Variants in GART observed in about 807,000 individuals in gnomAD.
GART encodes trifunctional purine biosynthetic protein adenosine-3.
GART carries 43 observed loss-of-function variants against 107.2 expected under a neutral mutation model. That is an observed-to-expected ratio of 0.40 (90% confidence interval 0.31 to 0.52). The LOEUF (loss-of-function observed/expected upper bound fraction) is 0.52. GART is among the 20% of genes least tolerant of loss of function. The probability of loss-of-function intolerance (pLI) is 0.52; values close to 1 mark genes in which losing one functional copy is unlikely to be tolerated. For synonymous variants in GART, 434 were observed against 427.0 expected (o/e 1.02, Z -0.20); for missense variants, 1,107 against 1,206.5 (o/e 0.92, Z 1.22).
chr21:33,530,181 A>G (rs556911182), intron 7 of GART, among the ~76,000 whole-genome samples: 1 of 152,154 alleles, frequency 6.6e-6, no homozygotes, highest in Non-Finnish European at 1.5e-5. Flanking sequence ...ACAGAGCGAG[A>G]CTCCGTCTCA....
At chr21:33,528,974 A>G (rs1333672481) in intron 7 of GART, 37 bp from the exon 8 acceptor site, 1 of 1,429,726 alleles carries the variant, frequency 7.0e-7, no homozygotes, top group Non-Finnish European at 9.9e-7. Context: ...TGTAACAGGT[A>G]ACTTAAAAAG....
At chr21:33,507,794 T>C (rs1401546437) in intron 18 of GART, among the ~76,000 whole-genome samples, 1 of 152,028 alleles carries the variant, frequency 6.6e-6, no homozygotes, top group African/African-American at 2.4e-5. Context: ...TCTGCGCCAC[T>C]GCACTCCAGC....
chr21:33,511,298 GTGC>G lies in GART; in HGVS notation c.2265_2267del (p.Gln755del). 6.2e-7 allele frequency: 1 copy of G among 1,614,142 alleles called. No individual in the cohort carries two copies. The highest frequency in any genetic ancestry group is 8.5e-7 in the Non-Finnish European group (1 of 1,180,034). ...TGCCAATCACCCAGGCTTCTTCCTT[GTGC>G]TGCTGGATATCCCTCAGAATCTGCT... On this transcript the variant is annotated inframe_deletion, in exon 17 of 22. Transcript: ENST00000381815.
At position 33,528,222 on chromosome 21, in the gene GART, A is replaced by G; in HGVS notation, c.1011T>C (p.Val337=). The G allele has an allele frequency of 6.2e-7, 1 of 1,614,054 alleles. No homozygotes were observed. Among genetic ancestry groups the G allele is most frequent in the Non-Finnish European group, 8.5e-7 (1 of 1,179,980 alleles). The change falls in exon 10 of 22, where the codon GTT becomes GTC. Residue 337 remains valine (V), a synonymous_variant. Coordinates refer to ENST00000381815, the MANE Select transcript of GART (RefSeq NM_000819.5). The part of the protein sequence containing the change: ...VWLENHTALT[V]VMASKGYPGD... ...CAGGATAACCTTTACTTGCCATGACAACAGTTAGGGCGGTGTGGTTTTCTA... is the reference window on the plus strand; with the variant it reads ...CAGGATAACCTTTACTTGCCATGACGACAGTTAGGGCGGTGTGGTTTTCTA...
intron 14 of GART, chr21:33,518,775 A>G: frequency 2.1e-6 from 1 of 479,346 alleles, no homozygotes. Flanking sequence ...CCATCCACAG[A>G]CTATTTGGGC....
At chr21:33,532,008 T>C (rs1290331418) in intron 5 of GART, 3 of 268,816 alleles carry the variant, frequency 1.1e-5, no homozygotes, top group Non-Finnish European at 2.1e-5. Flanking sequence ...ATTAATTTAC[T>C]TCTCTTAGAC....
intron 10 of GART, among the ~76,000 whole-genome samples, chr21:33,527,258 C>T (rs1303774067): frequency 6.6e-6 from 1 of 152,084 alleles, no homozygotes; most frequent in African/African-American, 2.4e-5. Flanking sequence ...GTGGCTCAGA[C>T]CTGTAATCCC....
At chr21:33,524,520 T>C in intron 11 of GART, 2 of 1,077,466 alleles carry the variant, frequency 1.9e-6, no homozygotes, top group Non-Finnish European at 2.3e-6. Context: ...ATAAAAAAAA[T>C]AGAAAACAAA....
At chr21:33,529,929 T>C (rs2085151420) in intron 7 of GART, among the ~76,000 whole-genome samples, 1 of 150,794 alleles carries the variant, frequency 6.6e-6, no homozygotes, top group South Asian at 2.2e-4. Context: ...GCATGGTAGC[T>C]CACGCCTGTA....
At chr21:33,533,312 G>A (rs1228365817) in intron 4 of GART, among the ~76,000 whole-genome samples, 1 of 151,628 alleles carries the variant, frequency 6.6e-6, no homozygotes, top group Non-Finnish European at 1.5e-5. Context: ...GGTGGTGGGC[G>A]CCTGTATTCC....
intron 14 of GART, among the ~76,000 whole-genome samples, chr21:33,517,899 A>G (rs1330039838): frequency 6.6e-6 from 1 of 152,104 alleles, no homozygotes; most frequent in African/African-American, 2.4e-5. Context: ...ATATAACATC[A>G]TTTCTATAGC....
At chr21:33,538,422 C>T (rs371178354) in intron 2 of GART, among the ~76,000 whole-genome samples, 18 of 151,538 alleles carry the variant, frequency 1.2e-4, no homozygotes, top group African/African-American at 2.2e-4. Context: ...TTGTAGAGAT[C>T]GGGTCTCACT....
At chr21:33,538,819 C>T (rs1016081964) in intron 2 of GART, among the ~76,000 whole-genome samples, 3 of 152,160 alleles carry the variant, frequency 2.0e-5, no homozygotes, top group Non-Finnish European at 2.9e-5. Context: ...CTCATTCTGT[C>T]GCCCAGGCTG....
intron 18 of GART, among the ~76,000 whole-genome samples, chr21:33,508,445 A>G (rs1052579669): frequency 4.0e-5 from 6 of 150,996 alleles, no homozygotes; most frequent in Admixed American, 3.3e-4. Context: ...TGAACATTAT[A>G]CCTGATAGAA....
chr21:33,524,665 G>A, intron 11 of GART, 104 bp downstream of exon 11: 2 of 1,524,464 alleles, frequency 1.3e-6, no homozygotes, highest in Non-Finnish European at 1.8e-6. Flanking sequence ...CTCCCACAGA[G>A]AGAAAAGAAT....
intron 16 of GART, among the ~76,000 whole-genome samples, chr21:33,512,920 A>ATT (rs937805611): frequency 1.4e-5 from 2 of 140,290 alleles, no homozygotes; most frequent in Admixed American, 7.1e-5. Context: ...AGTTGATACA[A>ATT]TTTTTTTTTT....
chr21:33,540,960 G>A (rs754971791), intron 1 of GART, among the ~76,000 whole-genome samples: 57 of 151,814 alleles, frequency 3.8e-4, no homozygotes, highest in Non-Finnish European at 6.8e-4. Context: ...AGAGGGGGTG[G>A]AGCCTAACAG....
intron 12 of GART, 37 bp downstream of exon 12, chr21:33,522,151 C>A (rs1235643865): frequency 6.9e-7 from 1 of 1,443,084 alleles, no homozygotes; most frequent in Admixed American, 1.7e-5. Flanking sequence ...CAATGTATAT[C>A]AAAGTTAATG....
chr21:33,520,775 T>G, intron 13 of GART, 131 bp downstream of exon 13: 3 of 741,562 alleles, frequency 4.0e-6, no homozygotes, highest in East Asian at 2.6e-5. Flanking sequence ...TGCAGATATT[T>G]TAGCCATTTT....
Sources: allele counts gnomAD v4.1 joint callset (sites outside exome capture counted in the v4.1 genomes callset), GRCh38; gene constraint gnomAD v4.1.1; transcripts MANE v1.5; gene names NCBI Gene and HGNC (gene_info 2026-07-23, HGNC 2026-07-21).